SSU72: variants seen among roughly 807,000 people sequenced by gnomAD.
The protein encoded by SSU72 is SSU72 homolog, RNA polymerase II CTD phosphatase.
Under a neutral mutation model 22.7 loss-of-function variants are expected in SSU72, and 12 were observed. That is an observed-to-expected ratio of 0.53 (90% CI 0.34 to 0.86). The LOEUF (loss-of-function observed/expected upper bound fraction) is 0.86. SSU72 is among the 40% of genes least tolerant of loss of function. The probability of loss-of-function intolerance (pLI) is 0.02; values close to 1 mark genes in which losing one functional copy is unlikely to be tolerated. For missense variants in SSU72, 151 were observed against 249.8 expected, an observed-to-expected ratio of 0.60 and a Z score of 2.67; for synonymous variants, 116 against 98.3, an observed-to-expected ratio of 1.18 and a Z score of -1.06.
At chr1:1,562,079 G>A (rs982974891) in intron 2 of SSU72, 7 of 152,262 alleles carry the variant, frequency 4.6e-5, no homozygotes, top group Admixed American at 4.6e-4. Flanking sequence ...AATGACCAGA[G>A]ACAGGCTCAT....
chr1:1,549,743 G>A (rs1471721293), intron 2 of SSU72, among the ~76,000 whole-genome samples: 2 of 152,014 alleles, frequency 1.3e-5, no homozygotes, highest in African/African-American at 4.8e-5. Context: ...GGGAGGCCGA[G>A]GCGGGTGGAT....
At chr1:1,544,300 G>A (rs1421170417) in intron 3 of SSU72, among the ~76,000 whole-genome samples, 1 of 151,940 alleles carries the variant, frequency 6.6e-6, no homozygotes, top group Non-Finnish European at 1.5e-5. Flanking sequence ...CTGCTCCACC[G>A]CCAGCTCCAC....
intron 2 of SSU72, among the ~76,000 whole-genome samples, chr1:1,550,784 G>A (rs537798072): frequency 6.6e-6 from 1 of 152,174 alleles, no homozygotes; most frequent in Non-Finnish European, 1.5e-5. Context: ...GACTGGTGCC[G>A]GCCGGAAGGC....
chr1:1,571,703 G>C (rs906359401), intron 1 of SSU72, among the ~76,000 whole-genome samples: 1 of 152,114 alleles, frequency 6.6e-6, no homozygotes, highest in South Asian at 2.1e-4. Context: ...AAAGGACTTG[G>C]TCATCTTCAG....
At chr1:1,564,412 C>T in intron 2 of SSU72, 1 of 1,429,040 alleles carries the variant, frequency 7.0e-7, no homozygotes, top group Non-Finnish European at 9.2e-7. Context: ...GCACGCACAC[C>T]AACCTGCAAA....
chr1:1,558,543 AAC>A (rs1642547998), intron 2 of SSU72, among the ~76,000 whole-genome samples: 1 of 152,226 alleles, frequency 6.6e-6, no homozygotes. Context: ...TTCACAGGAC[AAC>A]AGTCACATTA....
At chr1:1,562,658 G>C (rs934113432) in intron 2 of SSU72, 1 of 152,356 alleles carries the variant, frequency 6.6e-6, no homozygotes, top group Non-Finnish European at 1.5e-5. Flanking sequence ...GTAAGGCTCC[G>C]GGATGGAGAC....
chr1:1,542,051 A>G lies in SSU72; in HGVS notation c.*15T>C, dbSNP rs1642327267. ...AACAGGAAGCTCCAGAGGCGGCTCC[A>G]TGCGGGCGCTGGGCTCAGTAGAAGC... On this transcript the variant is annotated 3_prime_UTR_variant, in exon 5 of 5. Transcript: ENST00000291386. This position sits in a 1 kb window ranked among gnomAD's most constrained non-coding sequence, Gnocchi z 4.4. 3.2e-6 allele frequency: 5 copies of G among 1,562,916 alleles called. No individual in the cohort carries two copies. Among genetic ancestry groups the G allele is most frequent in the South Asian group, 1.2e-5 (1 of 85,050 alleles).
At chr1:1,558,647 G>A (rs185379141) in intron 2 of SSU72, among the ~76,000 whole-genome samples, 4 of 152,326 alleles carry the variant, frequency 2.6e-5, no homozygotes, top group Non-Finnish European at 4.4e-5. Flanking sequence ...TAACTTACAT[G>A]TACACAGGAT....
At position 1,574,660 on chromosome 1, in the gene SSU72, C is replaced by T; in HGVS notation, c.-103G>A. ...GGCCGCGGTGGCCGGAAGCGGGCGACGCGAAACGACGGCGCCGGCGGTGTA... is the reference window on the plus strand; with the variant it reads ...GGCCGCGGTGGCCGGAAGCGGGCGATGCGAAACGACGGCGCCGGCGGTGTA... On this transcript the variant is annotated 5_prime_UTR_variant, in exon 1 of 5. Coordinates refer to ENST00000291386, the MANE Select transcript of SSU72 (RefSeq NM_014188.3). The T allele has an allele frequency of 8.4e-7, 1 of 1,189,900 alleles. No homozygotes were observed. 73.7% of individuals were successfully genotyped at this position (1,189,900 alleles called of 1,614,324 possible).
chr1:1,571,595 A>G (rs1237667784), intron 1 of SSU72, among the ~76,000 whole-genome samples: 2 of 152,136 alleles, frequency 1.3e-5, no homozygotes, highest in African/African-American at 4.8e-5. Context: ...CGGCACAGGT[A>G]AAAGCACACC....
intron 1 of SSU72, among the ~76,000 whole-genome samples, chr1:1,566,242 G>T (rs545618717): frequency 6.6e-6 from 1 of 152,238 alleles, no homozygotes; most frequent in African/African-American, 2.4e-5. Flanking sequence ...TCCAGCCTGG[G>T]CAAAAGAGCG....
intron 3 of SSU72, among the ~76,000 whole-genome samples, 159 bp from the exon 4 acceptor site, chr1:1,544,146 C>A (rs991812006): frequency 6.6e-6 from 1 of 152,150 alleles, no homozygotes; most frequent in African/African-American, 2.4e-5. Context: ...AGCCTCAAAC[C>A]GAAGGCGGCT....
At chr1:1,568,475 G>A (rs1289395062) in intron 1 of SSU72, among the ~76,000 whole-genome samples, 1 of 146,612 alleles carries the variant, frequency 6.8e-6, no homozygotes, top group Non-Finnish European at 1.5e-5. Flanking sequence ...GTGGTGGTGC[G>A]CGCCTGTAAT....
chr1:1,544,754 G>T, intron 3 of SSU72, 109 bp downstream of exon 3: 1 of 1,527,224 alleles, frequency 6.5e-7, no homozygotes. Context: ...CTGCTCCCCG[G>T]CCCCCGCCAC....
At chr1:1,566,720 C>T (rs2100720712) in intron 1 of SSU72, among the ~76,000 whole-genome samples, 1 of 151,974 alleles carries the variant, frequency 6.6e-6, no homozygotes, top group East Asian at 1.9e-4. Flanking sequence ...GGCGAGGCGG[C>T]GGGCGCTTTT....
rs1642340574 is a variant in SSU72, at chr1:1,542,827, C to T, written c.484-660G>A. On this transcript the variant is annotated intron_variant, in intron 4 of 4. Transcript: ENST00000291386. The surrounding 1 kb of genome is among the most constrained non-coding windows in gnomAD (Gnocchi z 4.4). Reference sequence around the variant, plus strand: ...ATGACCTTTTCTCCTGCCAGGCGATCATGAAGACCGTCCCTGGCGCTTCAG... The same window carrying T: ...ATGACCTTTTCTCCTGCCAGGCGATTATGAAGACCGTCCCTGGCGCTTCAG... Among the ~76,000 whole-genome samples the T allele has an allele frequency of 6.6e-6, 1 of 152,172 alleles. No homozygotes were observed. The highest frequency in any genetic ancestry group is 2.4e-5 in the African/African-American group (1 of 41,442).
At chr1:1,558,815 G>A (rs1392506234) in intron 2 of SSU72, among the ~76,000 whole-genome samples, 4 of 152,204 alleles carry the variant, frequency 2.6e-5, no homozygotes, top group Admixed American at 1.3e-4. Flanking sequence ...GCCAGCGGCT[G>A]TTGCCTGGAC....
At chr1:1,564,367 C>A in intron 2 of SSU72, 1 of 1,138,124 alleles carries the variant, frequency 8.8e-7, no homozygotes, top group Non-Finnish European at 1.2e-6. Context: ...GTGAAGCAGC[C>A]CGGCTCCATG....
Sources: allele counts gnomAD v4.1 joint callset (sites outside exome capture counted in the v4.1 genomes callset), GRCh38; gene constraint gnomAD v4.1.1; non-coding constraint Gnocchi (gnomAD v3.1); transcripts MANE v1.5; gene names NCBI Gene and HGNC (gene_info 2026-07-23, HGNC 2026-07-21).